The following SMURF2 variants were observed in gnomAD, a reference collection of about 807,000 sequenced individuals.
The protein encoded by SMURF2 is E3 ubiquitin-protein ligase SMURF2.
SMURF2 carries 48 observed loss-of-function variants against 109.6 expected under a neutral mutation model. The observed-to-expected ratio is 0.44, with a 90% CI of 0.35 to 0.56. The LOEUF (loss-of-function observed/expected upper bound fraction) is 0.56, where lower values mean the gene tolerates loss of function less well. Ranked by LOEUF, SMURF2 falls within the 20% of genes least tolerant of loss-of-function variation. The probability of loss-of-function intolerance (pLI) is 0.01; values close to 1 mark genes in which losing one functional copy is unlikely to be tolerated. For synonymous variants in SMURF2, 288 were observed against 317.1 expected, an observed-to-expected ratio of 0.91 and a Z score of 0.97; for missense variants, 575 against 909.0, an observed-to-expected ratio of 0.63 and a Z score of 4.72.
chr17:64,549,039 T>A (rs1046243879), intron 16 of SMURF2, among the ~76,000 whole-genome samples: 68 of 152,052 alleles, frequency 4.5e-4, no homozygotes, highest in African/African-American at 1.4e-3. Context: ...ATCCTAGCAC[T>A]TTGGGAGGAC....
chr17:64,551,776 T>G, intron 15 of SMURF2, 72 bp from the exon 16 acceptor site: 1 of 1,574,436 alleles, frequency 6.4e-7, no homozygotes, highest in Non-Finnish European at 8.7e-7. Context: ...TATAAATCTC[T>G]ACTTTAGCAA....
chr17:64,552,895 G>A (rs1969065733), intron 15 of SMURF2, among the ~76,000 whole-genome samples: 1 of 152,026 alleles, frequency 6.6e-6, no homozygotes, highest in Admixed American at 6.5e-5. Context: ...GTAGAGACAA[G>A]GTTTCACAAT....
At chr17:64,632,614 T>C (rs1970366210) in intron 1 of SMURF2, among the ~76,000 whole-genome samples, 2 of 152,242 alleles carry the variant, frequency 1.3e-5, no homozygotes, top group South Asian at 4.1e-4. Flanking sequence ...TTACAAATGC[T>C]TCCTATATTC....
chr17:64,549,443 AAAAAAT>A lies in SMURF2; in HGVS notation c.1870-1648_1870-1643del, dbSNP rs559265539. On this transcript the variant is annotated intron_variant, in intron 16 of 18. Transcript: ENST00000262435. ...AGGCAACAGAGTGAGACTCTATCTC[AAAAAAT>A]AAAAATAAAAAGTTTAATGATTCAG... 8.6e-5 allele frequency among the ~76,000 whole-genome samples: 13 copies of A among 151,950 alleles called. No homozygotes were observed. The South Asian group carries it at 2.3e-3, about 27-fold the overall frequency.
intron 2 of SMURF2, among the ~76,000 whole-genome samples, chr17:64,599,376 C>T (rs1969861870): frequency 1.3e-5 from 2 of 152,134 alleles, no homozygotes; most frequent in South Asian, 4.1e-4. Context: ...CGTGGTCCAA[C>T]AGTGAGTACA....
intron 10 of SMURF2, among the ~76,000 whole-genome samples, chr17:64,565,281 C>T (rs1969283873): frequency 6.6e-6 from 1 of 152,134 alleles, no homozygotes; most frequent in East Asian, 1.9e-4. Context: ...AATAAAGCAG[C>T]CTGTCTCTTC....
At chr17:64,570,856 C>T (rs945592239) in intron 10 of SMURF2, among the ~76,000 whole-genome samples, 2 of 152,198 alleles carry the variant, frequency 1.3e-5, no homozygotes, top group Non-Finnish European at 2.9e-5. Flanking sequence ...TCACAGCTCA[C>T]TGCAGCCACG....
At chr17:64,638,067 T>C (rs1260595726) in intron 1 of SMURF2, among the ~76,000 whole-genome samples, 31 of 137,650 alleles carry the variant, frequency 2.3e-4, no homozygotes, top group Middle Eastern at 3.4e-3. Context: ...TTTTTCTTTT[T>C]TTTTTTTTTT....
intron 3 of SMURF2, among the ~76,000 whole-genome samples, chr17:64,597,666 G>A (rs757686730): frequency 3.6e-4 from 55 of 151,740 alleles, no homozygotes; most frequent in South Asian, 1.0e-3. Context: ...CCAGCTACTC[G>A]GGAGGCTGAG....
At chr17:64,582,349 C>T (rs144813116) in intron 7 of SMURF2, among the ~76,000 whole-genome samples, 203 of 152,252 alleles carry the variant, frequency 1.3e-3, no homozygotes, top group Middle Eastern at 3.4e-3. Context: ...ACAGGCAAAA[C>T]AAAACACTGC....
chr17:64,631,856 TCAG>T (rs1970352156), intron 1 of SMURF2, among the ~76,000 whole-genome samples: 1 of 148,758 alleles, frequency 6.7e-6, no homozygotes, highest in South Asian at 2.1e-4. Context: ...CCAGACAGGA[TCAG>T]CAACATGGGG....
In SMURF2 at chr17:64,661,883, C is replaced by A; in HGVS notation, c.-3G>T. 8.3e-7 allele frequency: 1 copy of A among 1,203,428 alleles called. No individual in the cohort carries two copies. Among genetic ancestry groups the A allele is most frequent in the Non-Finnish European group, 1.0e-6 (1 of 971,366 alleles). The allele number at this position is 1,203,428 out of a possible 1,614,324, so 74.5% of individuals were successfully genotyped here. On this transcript the variant is annotated 5_prime_UTR_variant, in exon 1 of 19. Transcript: ENST00000262435. ...CTCCGGCCTCCGGGGTTAGACATGT[C>A]CCCGGCGGCGGGGGCGGCGGGGGCG...
chr17:64,618,903 G>A (rs961138828), intron 1 of SMURF2, among the ~76,000 whole-genome samples: 1 of 151,970 alleles, frequency 6.6e-6, no homozygotes, highest in African/African-American at 2.4e-5. Context: ...AAATAATTAG[G>A]GTCAGAATGC....
chr17:64,607,353 C>T (rs782043726), intron 1 of SMURF2, among the ~76,000 whole-genome samples: 6 of 152,038 alleles, frequency 3.9e-5, no homozygotes, highest in African/African-American at 7.2e-5. Context: ...TTTGGCCGGG[C>T]GCAGTGGCTC....
chr17:64,625,423 AAAT>A (rs1455274535), intron 1 of SMURF2, among the ~76,000 whole-genome samples: 7 of 152,256 alleles, frequency 4.6e-5, no homozygotes, highest in African/African-American at 1.7e-4. Context: ...TCCTAATCTT[AAAT>A]ATTAACAAAA....
At chr17:64,580,004 A>G (rs952694102) in intron 8 of SMURF2, among the ~76,000 whole-genome samples, 4 of 152,270 alleles carry the variant, frequency 2.6e-5, no homozygotes, top group African/African-American at 9.6e-5. Flanking sequence ...GTTTTAAAAT[A>G]TATTCTTGAG....
Position 64,547,886 on chromosome 17 carries a change from G to A in SMURF2, c.1870-85C>T. 1 of 1,135,540 alleles carries A rather than the reference G, an allele frequency of 8.8e-7. No homozygotes were observed. Among genetic ancestry groups the A allele is most frequent in the Non-Finnish European group, 1.3e-6 (1 of 763,624 alleles). The allele number at this position is 1,135,540 out of a possible 1,614,324, so 70.3% of individuals were successfully genotyped here. ...CAAAAGAGAACTTTAGGTTTGTACT[G>A]CTGGCTGTCATTTGGTGGTTCCTAA... On this transcript the variant is annotated intron_variant, in intron 16 of 18. Coordinates refer to ENST00000262435, the MANE Select transcript of SMURF2 (RefSeq NM_022739.4). This position sits in a 1 kb window ranked among gnomAD's most constrained non-coding sequence, Gnocchi z 4.2.
At chr17:64,655,817 C>G (rs375135048) in intron 1 of SMURF2, among the ~76,000 whole-genome samples, 2 of 152,196 alleles carry the variant, frequency 1.3e-5, no homozygotes, top group African/African-American at 4.8e-5. Flanking sequence ...ATCACTTGAA[C>G]CCAGGGGTCA....
At chr17:64,579,016 C>A (rs1969539599) in intron 8 of SMURF2, among the ~76,000 whole-genome samples, 1 of 152,184 alleles carries the variant, frequency 6.6e-6, no homozygotes, top group African/African-American at 2.4e-5. Flanking sequence ...CTTATGTTTT[C>A]TCTTTGCTAG....
Sources: gnomAD v4.1 joint callset for allele counts (sites outside exome capture counted in the v4.1 genomes callset) on GRCh38, gnomAD v4.1.1 for gene constraint, Gnocchi (gnomAD v3.1) non-coding constraint, MANE v1.5 for transcripts, NCBI Gene and HGNC (gene_info 2026-07-23, HGNC 2026-07-21) for gene names.